Variants in PIEZO2 observed in about 807,000 individuals in gnomAD.
The protein encoded by PIEZO2 is piezo-type mechanosensitive ion channel component 2.
PIEZO2 carries 172 observed loss-of-function variants against 337.3 expected under a neutral mutation model. The ratio of observed to expected loss-of-function variants is 0.51; its 90% CI spans 0.45 to 0.58. The LOEUF (loss-of-function observed/expected upper bound fraction) is 0.58, where lower values mean the gene tolerates loss of function less well. Ranked by LOEUF, PIEZO2 falls within the 20% of genes least tolerant of loss-of-function variation. PIEZO2 has a pLI of 0.00. For synonymous variants in PIEZO2, 1,251 were observed against 1,228.5 expected (o/e 1.02, Z -0.38); for missense variants, 3,028 against 3,391.3 (o/e 0.89, Z 2.66).
At chr18:10,687,826 C>A (rs2034616473) in intron 49 of PIEZO2, among the ~76,000 whole-genome samples, 1 of 152,162 alleles carries the variant, frequency 6.6e-6, no homozygotes, top group Non-Finnish European at 1.5e-5. Context: ...ATGCAACCTG[C>A]AGGTGTCTGA....
At position 11,106,036 on chromosome 18, in the gene PIEZO2, A is replaced by T. The variant is rs1265148104; in HGVS notation, c.65-39814T>A. ...TTATTTTGGCCATTGTTCTCTTAAG[A>T]TAACTAAAAATGCTACACTATGCTG... is the stretch of plus-strand genomic sequence containing the variant. On this transcript the variant is annotated intron_variant, in intron 1 of 55. Transcript: ENST00000674853. Among the ~76,000 whole-genome samples, 6 of 152,162 alleles carry T rather than the reference A, an allele frequency of 3.9e-5. No individual in the cohort carries two copies. In the East Asian group the frequency reaches 9.6e-4, roughly 24 times the overall value.
At chr18:10,714,643 G>T in intron 39 of PIEZO2, 121 bp downstream of exon 39, 1 of 1,102,468 alleles carries the variant, frequency 9.1e-7, no homozygotes, top group Non-Finnish European at 1.3e-6. Context: ...AGCTGGAAGA[G>T]GGTGGGGGTC....
intron 4 of PIEZO2, among the ~76,000 whole-genome samples, chr18:10,897,161 T>C (rs910507280): frequency 2.0e-5 from 3 of 151,992 alleles, no homozygotes; most frequent in Admixed American, 6.5e-5. Context: ...ATGGTTCTCA[T>C]GGTAGTGAGT....
At chr18:10,704,253 T>C in intron 42 of PIEZO2, 141 bp downstream of exon 42, 1 of 1,144,536 alleles carries the variant, frequency 8.7e-7, no homozygotes, top group Non-Finnish European at 1.2e-6. Context: ...TATCTAAGAA[T>C]GTCTGTGGAA....
intron 7 of PIEZO2, among the ~76,000 whole-genome samples, chr18:10,814,190 T>C (rs185529537): frequency 5.8e-4 from 88 of 151,972 alleles, no homozygotes; most frequent in South Asian, 2.5e-3. Flanking sequence ...AGGATGGTCT[T>C]GATCTCCTGA....
chr18:10,883,088 C>A (rs2042470269), intron 4 of PIEZO2, among the ~76,000 whole-genome samples: 1 of 152,132 alleles, frequency 6.6e-6, no homozygotes, highest in Non-Finnish European at 1.5e-5. Context: ...CCGCCCAACT[C>A]AGCCTCCCAA....
chr18:11,044,286 A>G (rs2037227909), intron 2 of PIEZO2, among the ~76,000 whole-genome samples: 1 of 151,906 alleles, frequency 6.6e-6, no homozygotes, highest in Non-Finnish European at 1.5e-5. Context: ...GTGGAAACAA[A>G]TATTATTAAT....
intron 7 of PIEZO2, among the ~76,000 whole-genome samples, chr18:10,808,564 G>C (rs1259806160): frequency 6.6e-6 from 1 of 152,162 alleles, no homozygotes; most frequent in African/African-American, 2.4e-5. Flanking sequence ...TTTAAAGTAA[G>C]CTAAATAGAT....
Position 11,003,846 on chromosome 18 carries a change from C to T in PIEZO2, c.161-24186G>A, listed in dbSNP as rs1598812779. Among the ~76,000 whole-genome samples, 1 of 152,184 alleles carries T rather than the reference C, an allele frequency of 6.6e-6. No individual in the cohort carries two copies. The highest frequency in any genetic ancestry group is 1.9e-4 in the East Asian group (1 of 5,196). ...ACCTGGAAACAAAGTGATTTTTTCCCCTCATTGACATTGGAACAAAACAAT... is the reference window on the plus strand; with the variant it reads ...ACCTGGAAACAAAGTGATTTTTTCCTCTCATTGACATTGGAACAAAACAAT... On this transcript the variant is annotated intron_variant, in intron 2 of 55. Transcript: ENST00000674853. This position sits in a 1 kb window ranked among gnomAD's most constrained non-coding sequence, Gnocchi z 4.6.
Position 10,673,294 on chromosome 18 carries a change from G to A in PIEZO2, c.8162-421C>T, listed in dbSNP as rs770997407. Among the ~76,000 whole-genome samples, 3 of 152,200 alleles carry A rather than the reference G, an allele frequency of 2.0e-5. No individual in the cohort carries two copies. The highest frequency in any genetic ancestry group is 2.1e-4 in the South Asian group (1 of 4,834). ...AAGGCACTCAATTAGGTGCTAAAGG[G>A]TTCCAAAATTGCATATAACATTGTT... On this transcript the variant is annotated intron_variant, in intron 54 of 55. Transcript: ENST00000674853. The surrounding 1 kb of genome is among the most constrained non-coding windows in gnomAD (Gnocchi z 4.8).
At chr18:10,760,008 T>C in intron 24 of PIEZO2, 99 bp from the exon 25 acceptor site, 2 of 1,055,158 alleles carry the variant, frequency 1.9e-6, no homozygotes, top group Non-Finnish European at 2.8e-6. Context: ...GAGACCCATG[T>C]CCCTCAGGGC....
At chr18:10,961,406 TGTG>T (rs936588974) in intron 3 of PIEZO2, among the ~76,000 whole-genome samples, 2 of 152,090 alleles carry the variant, frequency 1.3e-5, no homozygotes, top group African/African-American at 4.8e-5. Context: ...CTTTGGGACT[TGTG>T]GGGAAGTGTG....
chr18:10,839,949 A>G (rs1421695273), intron 7 of PIEZO2, among the ~76,000 whole-genome samples: 1 of 152,200 alleles, frequency 6.6e-6, no homozygotes, highest in Non-Finnish European at 1.5e-5. Flanking sequence ...AGTCTCACAA[A>G]AACTTGCATC....
At chr18:10,889,313 G>A (rs1275278230) in intron 4 of PIEZO2, among the ~76,000 whole-genome samples, 1 of 152,232 alleles carries the variant, frequency 6.6e-6, no homozygotes, top group Non-Finnish European at 1.5e-5. Flanking sequence ...AATCTGAACT[G>A]CTGCCTATTT....
At chr18:11,088,723 C>T (rs958842141) in intron 1 of PIEZO2, among the ~76,000 whole-genome samples, 22 of 152,106 alleles carry the variant, frequency 1.4e-4, no homozygotes, top group African/African-American at 4.3e-4. Context: ...GGGTTATCAA[C>T]GGTGGCAACC....
At chr18:11,082,847 C>A (rs2038798674) in intron 1 of PIEZO2, among the ~76,000 whole-genome samples, 1 of 152,144 alleles carries the variant, frequency 6.6e-6, no homozygotes. Context: ...AAAGTACACC[C>A]TGGGACCTCA....
intron 3 of PIEZO2, among the ~76,000 whole-genome samples, chr18:10,941,094 A>T (rs2032700904): frequency 6.6e-6 from 1 of 152,114 alleles, no homozygotes; most frequent in African/African-American, 2.4e-5. Flanking sequence ...AACATAAGGG[A>T]CTTCCATTTT....
Position 10,943,852 on chromosome 18 carries a change from T to C in PIEZO2, c.287-32624A>G, listed in dbSNP as rs538880025. Among the ~76,000 whole-genome samples the C allele has an allele frequency of 2.0e-5, 3 of 152,232 alleles. No individual in the cohort carries two copies. In the East Asian group the frequency reaches 5.8e-4, roughly 29 times the overall value. On this transcript the variant is annotated intron_variant, in intron 3 of 55. Coordinates refer to ENST00000674853, the MANE Select transcript of PIEZO2 (RefSeq NM_001378183.1). The surrounding 1 kb of genome is among the most constrained non-coding windows in gnomAD (Gnocchi z 4.5). ...GATGACTGAATCATGGGAGCAAGTC[T>C]TTCCAGTGCTGTTCTCATGATAGTG...
rs1254609555 is a variant in PIEZO2, at chr18:10,877,131, T to G, written c.330-5716A>C. On this transcript the variant is annotated intron_variant, in intron 4 of 55. Coordinates refer to ENST00000674853, the MANE Select transcript of PIEZO2 (RefSeq NM_001378183.1). This position sits in a 1 kb window ranked among gnomAD's most constrained non-coding sequence, Gnocchi z 5.3. Reference sequence around the variant, plus strand: ...TCTTCTCTACGTCCTACTTAATTGTTGATGAGTCCACAAAATTCTGTTCTT... The same window carrying G: ...TCTTCTCTACGTCCTACTTAATTGTGGATGAGTCCACAAAATTCTGTTCTT... Among the ~76,000 whole-genome samples, 2 of 152,228 alleles carry G rather than the reference T, an allele frequency of 1.3e-5. No individual in the cohort carries two copies. Among genetic ancestry groups the G allele is most frequent in the Non-Finnish European group, 2.9e-5 (2 of 68,034 alleles).
Sources: gnomAD v4.1 joint callset for allele counts (sites outside exome capture counted in the v4.1 genomes callset) on GRCh38, gnomAD v4.1.1 for gene constraint, Gnocchi (gnomAD v3.1) non-coding constraint, MANE v1.5 for transcripts, NCBI Gene and HGNC (gene_info 2026-07-23, HGNC 2026-07-21) for gene names.